The following ZBTB46 variants were observed in gnomAD, a reference collection of about 807,000 sequenced individuals.
The protein encoded by ZBTB46 is zinc finger and BTB domain-containing protein 46.
Under a neutral mutation model 44.1 loss-of-function variants are expected in ZBTB46, and 8 were observed. The observed-to-expected ratio is 0.18, with a 90% confidence interval of 0.11 to 0.33. The LOEUF (loss-of-function observed/expected upper bound fraction) is 0.33, where lower values mean the gene tolerates loss of function less well. ZBTB46 is among the 10% of genes least tolerant of loss of function. ZBTB46 has a pLI of 1.00. For synonymous variants in ZBTB46, 409 were observed against 382.3 expected, an observed-to-expected ratio of 1.07 and a Z score of -0.81; for missense variants, 651 against 847.7, an observed-to-expected ratio of 0.77 and a Z score of 2.88.
rs549819178 is a variant in ZBTB46 at position 63,767,497 on chromosome 20, G to C, written c.1222+8181C>G. Among the ~76,000 whole-genome samples the C allele has an allele frequency of 1.3e-5, 2 of 152,166 alleles. No individual in the cohort carries two copies. Among genetic ancestry groups the C allele is most frequent in the Non-Finnish European group, 2.9e-5 (2 of 68,030 alleles). ...GCAGATATCCCCCTCCGACGCGGCTGTTCGGTCACCCAGTTCCCCTCCTGC... is the reference window on the plus strand; with the variant it reads ...GCAGATATCCCCCTCCGACGCGGCTCTTCGGTCACCCAGTTCCCCTCCTGC... On this transcript the variant is annotated intron_variant, in intron 3 of 4. Coordinates refer to ENST00000245663, the MANE Select transcript of ZBTB46 (RefSeq NM_001369741.1). This position sits in a 1 kb window ranked among gnomAD's most constrained non-coding sequence, Gnocchi z 5.0.
intron 3 of ZBTB46, among the ~76,000 whole-genome samples, chr20:63,755,768 C>T (rs937260622): frequency 1.3e-5 from 2 of 152,186 alleles, no homozygotes; most frequent in African/African-American, 2.4e-5. Flanking sequence ...AAAAAACTTA[C>T]ATCACGTAGC....
At chr20:63,791,969 TG>T (rs1317977690) in intron 1 of ZBTB46, among the ~76,000 whole-genome samples, 1 of 152,218 alleles carries the variant, frequency 6.6e-6, no homozygotes, top group Non-Finnish European at 1.5e-5. Flanking sequence ...AGCTGGTGCC[TG>T]TTCCAGCCCC....
At position 63,825,258 on chromosome 20, in the gene ZBTB46, G is replaced by A. The variant is rs192743533; in HGVS notation, c.-34+5839C>T. On this transcript the variant is annotated intron_variant, in intron 1 of 4. Coordinates refer to ENST00000245663, the MANE Select transcript of ZBTB46 (RefSeq NM_001369741.1). ...TCTACTAAAAATACAAAAATTAGCC[G>A]GGCGTGGTGGCGGATGCCCATAATC... Among the ~76,000 whole-genome samples the A allele has an allele frequency of 3.2e-3, 486 of 151,804 alleles. 2 individuals are homozygous for A. Among genetic ancestry groups the A allele is most frequent in the African/African-American group, 0.011 (440 of 41,376 alleles).
chr20:63,807,149 C>T (rs1019121810), intron 1 of ZBTB46, among the ~76,000 whole-genome samples: 1 of 152,072 alleles, frequency 6.6e-6, no homozygotes, highest in African/African-American at 2.4e-5. Context: ...CAATCATATA[C>T]ATATATAGAG....
chr20:63,833,773 G>A (rs2092862342), upstream of ZBTB46, among the ~76,000 whole-genome samples: 2 of 152,212 alleles, frequency 1.3e-5, no homozygotes, highest in Admixed American at 6.5e-5. Flanking sequence ...GCAGCCTGGA[G>A]ACGAAGACAG....
chr20:63,762,567 T>C (rs1422063138), intron 3 of ZBTB46, among the ~76,000 whole-genome samples: 1 of 151,986 alleles, frequency 6.6e-6, no homozygotes, highest in African/African-American at 2.4e-5. Context: ...GGCAGGATAA[T>C]TGCTTGAACC....
intron 3 of ZBTB46, among the ~76,000 whole-genome samples, chr20:63,753,178 C>G (rs1374325945): frequency 6.6e-6 from 1 of 152,208 alleles, no homozygotes; most frequent in South Asian, 2.1e-4. Flanking sequence ...GAACACAGTG[C>G]CCGGTCCCTG....
chr20:63,755,086 G>C (rs1233749916), intron 3 of ZBTB46, among the ~76,000 whole-genome samples: 1 of 152,150 alleles, frequency 6.6e-6, no homozygotes, highest in Non-Finnish European at 1.5e-5. Context: ...ACATGAGCAG[G>C]ACTCAGCGTT....
At chr20:63,769,134 C>G in intron 3 of ZBTB46, 1 of 964,664 alleles carries the variant, frequency 1.0e-6, no homozygotes, top group Non-Finnish European at 1.2e-6. Context: ...AGTGCCTCCT[C>G]GGAGGTGCCC....
At chr20:63,821,440 C>CTTT (rs367924517) in intron 1 of ZBTB46, among the ~76,000 whole-genome samples, 27 of 139,492 alleles carry the variant, frequency 1.9e-4, no homozygotes, top group South Asian at 4.7e-4. Flanking sequence ...AGCAGGCACG[C>CTTT]TTTTTTTTTT....
intron 3 of ZBTB46, among the ~76,000 whole-genome samples, chr20:63,774,572 C>A (rs1455283113): frequency 6.6e-6 from 1 of 152,170 alleles, no homozygotes; most frequent in Non-Finnish European, 1.5e-5. Context: ...GCGCCTCACT[C>A]ACTCTCAGCC....
At chr20:63,769,790 C>T (rs6089982) in intron 3 of ZBTB46, among the ~76,000 whole-genome samples, 19,594 of 152,226 alleles carry the variant, frequency 0.13, 1,760 homozygotes, top group East Asian at 0.47. Flanking sequence ...CAGTCTCGAT[C>T]CAGAATCAAG....
chr20:63,830,654 C>T (rs2092844959), intron 1 of ZBTB46, among the ~76,000 whole-genome samples: 1 of 149,402 alleles, frequency 6.7e-6, no homozygotes, highest in Non-Finnish European at 1.5e-5. Context: ...GCCAAGACGC[C>T]CCCGGGCTGC....
At chr20:63,770,380 AAG>A (rs2092358507) in intron 3 of ZBTB46, among the ~76,000 whole-genome samples, 1 of 152,184 alleles carries the variant, frequency 6.6e-6, no homozygotes, top group Non-Finnish European at 1.5e-5. Context: ...ACTGCTGAAA[AAG>A]GAATAAAAGT....
Position 63,752,770 on chromosome 20 carries a change from G to A in ZBTB46, c.1314C>T (p.Arg438=). 1 of 1,613,028 alleles carries A rather than the reference G, an allele frequency of 6.2e-7. No homozygotes were observed. The highest frequency in any genetic ancestry group is 8.5e-7 in the Non-Finnish European group (1 of 1,179,624). Residue 438 remains arginine (R), a synonymous_variant, in exon 4 of 5, where the codon CGC becomes CGT. Coordinates refer to ENST00000245663, the MANE Select transcript of ZBTB46 (RefSeq NM_001369741.1). This position sits in a 1 kb window ranked among gnomAD's most constrained non-coding sequence, Gnocchi z 5.6. ...GGTAGGGCCGCTCTCCCGTGTGCGAGCGCATGTGTCGCTTGAGGATGCACT... is the reference window on the plus strand; with the variant it reads ...GGTAGGGCCGCTCTCCCGTGTGCGAACGCATGTGTCGCTTGAGGATGCACT... ...MHQCILKRHM[R]SHTGERPYPC... is the part of the protein sequence containing the mutation.
chr20:63,818,834 T>C (rs1306238919), intron 1 of ZBTB46, among the ~76,000 whole-genome samples: 1 of 137,770 alleles, frequency 7.3e-6, no homozygotes, highest in Non-Finnish European at 1.5e-5. Flanking sequence ...ATCGCGCCAC[T>C]GCACTCCAGC....
intron 1 of ZBTB46, among the ~76,000 whole-genome samples, chr20:63,822,243 G>A (rs2092796220): frequency 6.6e-6 from 1 of 152,220 alleles, no homozygotes. Flanking sequence ...ACCGGAGGTG[G>A]CTGGGAGAAC....
intron 4 of ZBTB46, among the ~76,000 whole-genome samples, chr20:63,747,556 G>A (rs1180506772): frequency 7.7e-6 from 1 of 129,606 alleles, no homozygotes; most frequent in Non-Finnish European, 1.7e-5. Context: ...GCGGGGGTGA[G>A]CAGGGCCCGG....
chr20:63,747,344 GGGGGCGGGGC>G, intron 4 of ZBTB46, 43 bp from the exon 5 acceptor site: 2 of 1,339,504 alleles, frequency 1.5e-6, no homozygotes, highest in Non-Finnish European at 1.9e-6. Context: ...TGGTGGGTTG[GGGGGCGGGGC>G]AGGGGGTGAG....
Sources: gnomAD v4.1 joint callset for allele counts (sites outside exome capture counted in the v4.1 genomes callset) on GRCh38, gnomAD v4.1.1 for gene constraint, Gnocchi (gnomAD v3.1) non-coding constraint, MANE v1.5 for transcripts, NCBI Gene and HGNC (gene_info 2026-07-23, HGNC 2026-07-21) for gene names.